Variants in SGCD observed in about 807,000 individuals in gnomAD.
SGCD encodes the protein delta-sarcoglycan.
A neutral mutation model predicts 36.6 loss-of-function variants in SGCD; 18 were observed. The ratio of observed to expected loss-of-function variants is 0.49; its 90% CI spans 0.34 to 0.73. The LOEUF (loss-of-function observed/expected upper bound fraction) is 0.73, where lower values mean the gene tolerates loss of function less well. SGCD is among the 30% of genes least tolerant of loss of function. SGCD has a pLI of 0.01. For synonymous variants in SGCD, 133 were observed against 130.6 expected, an observed-to-expected ratio of 1.02 and a Z score of -0.12; for missense variants, 387 against 346.7, an observed-to-expected ratio of 1.12 and a Z score of -0.92.
chr5:156,266,050 G>A (rs1404259394), intron 3 of SGCD, among the ~76,000 whole-genome samples: 1 of 152,110 alleles, frequency 6.6e-6, no homozygotes, highest in Non-Finnish European at 1.5e-5. Flanking sequence ...TAGAAATATT[G>A]GAGTTAAAAG....
In SGCD at chr5:156,333,113, T is replaced by G. The variant is rs151137293; in HGVS notation, c.3+3534T>G. 5.3e-5 allele frequency among the ~76,000 whole-genome samples: 8 copies of G among 152,352 alleles called. No homozygotes were observed. The East Asian group carries it at 1.5e-3, about 29-fold the overall frequency. On this transcript the variant is annotated intron_variant, in intron 2 of 8. Coordinates refer to ENST00000337851, the MANE Select transcript of SGCD (RefSeq NM_000337.6). ...AAAACGAGATGAGCATTTCCTTTCC[T>G]ACCACAGGTTTCATTGCAAGCATTT...
chr5:156,013,357 A>G (rs886698107), intron 1 of SGCD, among the ~76,000 whole-genome samples: 1 of 152,152 alleles, frequency 6.6e-6, no homozygotes, highest in Non-Finnish European at 1.5e-5. Flanking sequence ...TTCTTCCTTC[A>G]GGTTTGATGA....
At chr5:155,846,657 A>G in the SGCD span, among the ~76,000 whole-genome samples, 2 of 152,238 alleles carry the variant, frequency 1.3e-5, no homozygotes, top group Admixed American at 6.5e-5. Flanking sequence ...CACTTAGCCT[A>G]TAAACCCACC....
intron 3 of SGCD, among the ~76,000 whole-genome samples, chr5:156,406,821 C>CAT (rs1561675286): frequency 2.5e-5 from 2 of 79,528 alleles, no homozygotes; most frequent in South Asian, 4.7e-4. Flanking sequence ...TATATATATA[C>CAT]ACACACACAC....
intron 3 of SGCD, among the ~76,000 whole-genome samples, chr5:156,406,198 G>A (rs2127765988): frequency 6.6e-6 from 1 of 152,184 alleles, no homozygotes; most frequent in Non-Finnish European, 1.5e-5. Flanking sequence ...CTTGGAGACT[G>A]CACGAAAAAG....
At chr5:156,144,263 T>C (rs1473808485) in intron 3 of SGCD, among the ~76,000 whole-genome samples, 2 of 152,100 alleles carry the variant, frequency 1.3e-5, no homozygotes, top group Admixed American at 6.5e-5. Flanking sequence ...AGTAATGGGA[T>C]GGCTGGGTCA....
intron 6 of SGCD, among the ~76,000 whole-genome samples, chr5:156,634,975 A>G (rs934534083): frequency 3.9e-5 from 6 of 152,110 alleles, no homozygotes; most frequent in Non-Finnish European, 8.8e-5. Flanking sequence ...TGTAATCCCA[A>G]TGCTTTGACG....
intron 1 of SGCD, among the ~76,000 whole-genome samples, chr5:155,997,628 A>G (rs35430862): frequency 0.29 from 43,911 of 152,190 alleles, 6,481 homozygotes; most frequent in South Asian, 0.38. Context: ...TTGTTCTTCC[A>G]GCCCCACAGG....
intron 3 of SGCD, among the ~76,000 whole-genome samples, chr5:156,397,733 G>GC (rs898393879): frequency 6.6e-6 from 1 of 152,164 alleles, no homozygotes; most frequent in Non-Finnish European, 1.5e-5. Flanking sequence ...GCCACGCGGA[G>GC]CCCTCCTCAA....
intron 1 of SGCD, among the ~76,000 whole-genome samples, chr5:155,940,874 AC>A (rs781750750): frequency 0.02 from 1,791 of 89,222 alleles, 15 homozygotes; most frequent in Middle Eastern, 0.096. Context: ...AACAACAACA[AC>A]AAAAAAAACA....
At chr5:155,807,860 C>A in the SGCD span, among the ~76,000 whole-genome samples, 1 of 152,170 alleles carries the variant, frequency 6.6e-6, no homozygotes, top group Non-Finnish European at 1.5e-5. Context: ...TCTTTTCTGT[C>A]TTTTCAGCTT....
At chr5:156,085,234 G>T (rs1246627990) in intron 1 of SGCD, among the ~76,000 whole-genome samples, 1 of 152,166 alleles carries the variant, frequency 6.6e-6, no homozygotes, top group Admixed American at 6.5e-5. Flanking sequence ...GACTGATGCG[G>T]TTTCAATATG....
At chr5:156,449,600 A>G (rs113331719) in intron 3 of SGCD, among the ~76,000 whole-genome samples, 3,630 of 149,510 alleles carry the variant, frequency 0.024, 54 homozygotes, top group African/African-American at 0.04. Flanking sequence ...GGGTGGCGGA[A>G]ACGGGTGGAT....
intron 3 of SGCD, among the ~76,000 whole-genome samples, chr5:156,428,223 A>G (rs1443925025): frequency 1.3e-5 from 2 of 151,898 alleles, no homozygotes; most frequent in Non-Finnish European, 2.9e-5. Flanking sequence ...GCTGCTTGTT[A>G]TTGGTCTGTT....
At chr5:156,008,777 T>C (rs372234371) in intron 1 of SGCD, among the ~76,000 whole-genome samples, 2 of 152,304 alleles carry the variant, frequency 1.3e-5, no homozygotes, top group South Asian at 2.1e-4. Context: ...AAACCCTATA[T>C]CCAAGTAAGT....
At chr5:156,350,626 T>C (rs1043295579) in intron 3 of SGCD, among the ~76,000 whole-genome samples, 1 of 152,114 alleles carries the variant, frequency 6.6e-6, no homozygotes, top group Admixed American at 6.6e-5. Context: ...TAGCAGAATA[T>C]TCCAGTATTC....
At chr5:156,038,608 CCACA>C (rs112266222) in intron 1 of SGCD, among the ~76,000 whole-genome samples, 1 of 150,684 alleles carries the variant, frequency 6.6e-6, no homozygotes, top group Non-Finnish European at 1.5e-5. Flanking sequence ...AAAATGGCTC[CCACA>C]CACACACACA....
intron 3 of SGCD, among the ~76,000 whole-genome samples, chr5:156,140,440 G>A (rs1032288360): frequency 2.6e-5 from 4 of 152,148 alleles, no homozygotes; most frequent in East Asian, 1.9e-4. Flanking sequence ...TGATGAGGTC[G>A]TAGATGGTCG....
chr5:156,695,520 GATAGATA>G (rs1561861975), intron 7 of SGCD, among the ~76,000 whole-genome samples: 7 of 4,790 alleles, frequency 1.5e-3, no homozygotes, highest in Non-Finnish European at 3.3e-3. Flanking sequence ...TGGATAGATA[GATAGATA>G]GATAGATAGA....
Sources: allele counts gnomAD v4.1 joint callset (sites outside exome capture counted in the v4.1 genomes callset), GRCh38; gene constraint gnomAD v4.1.1; transcripts MANE v1.5; gene names NCBI Gene and HGNC (gene_info 2026-07-23, HGNC 2026-07-21).